DCC: variants seen among roughly 807,000 people sequenced by gnomAD.
The protein encoded by DCC is netrin receptor DCC.
In DCC, 58 loss-of-function variants were observed where a neutral mutation model predicts 172.5. That is an observed-to-expected ratio of 0.34 (90% CI 0.27 to 0.42). The LOEUF (loss-of-function observed/expected upper bound fraction) is 0.42. DCC is among the 10% of genes least tolerant of loss of function. The pLI is 1.00. For missense variants in DCC, 1,740 were observed against 1,791.0 expected (o/e 0.97, Z 0.51); for synonymous variants, 709 against 644.5 (o/e 1.10, Z -1.52).
chr18:52,766,627 A>G (rs1365222056), intron 2 of DCC, among the ~76,000 whole-genome samples: 2 of 151,946 alleles, frequency 1.3e-5, no homozygotes, highest in African/African-American at 4.8e-5. Flanking sequence ...TTTTGAAGTT[A>G]TGCCATCAAG....
intron 1 of DCC, among the ~76,000 whole-genome samples, chr18:52,546,224 G>T (rs1212272191): frequency 6.6e-6 from 1 of 152,130 alleles, no homozygotes. Flanking sequence ...GATCACGTTA[G>T]CAAAGTACAC....
At chr18:52,722,473 C>T (rs114963229) in intron 1 of DCC, among the ~76,000 whole-genome samples, 1,948 of 152,248 alleles carry the variant, frequency 0.013, 51 homozygotes, top group African/African-American at 0.045. Flanking sequence ...TGAGTTAGAA[C>T]ATACTATGGT....
intron 19 of DCC, among the ~76,000 whole-genome samples, 156 bp from the exon 20 acceptor site, chr18:53,410,296 T>G (rs1205989433): frequency 6.6e-6 from 1 of 152,162 alleles, no homozygotes; most frequent in Non-Finnish European, 1.5e-5. Context: ...AATCCTTGCA[T>G]TATGAAAAAA....
At chr18:53,247,118 A>C (rs1213287765) in intron 12 of DCC, among the ~76,000 whole-genome samples, 2 of 152,076 alleles carry the variant, frequency 1.3e-5, no homozygotes, top group African/African-American at 4.8e-5. Flanking sequence ...GAGCCATGAA[A>C]CTATACACAC....
At chr18:52,606,237 A>G (rs1427868560) in intron 1 of DCC, among the ~76,000 whole-genome samples, 2 of 152,082 alleles carry the variant, frequency 1.3e-5, no homozygotes, top group Admixed American at 6.6e-5. Flanking sequence ...TTACTACTAC[A>G]CAGTGCTACC....
In DCC at chr18:53,533,430, C is replaced by G. The variant is rs1239072138; in HGVS notation, c.*2777C>G. 1 of 152,146 alleles carries G rather than the reference C, an allele frequency of 6.6e-6. No individual in the cohort carries two copies. The highest frequency in any genetic ancestry group is 1.5e-5 in the Non-Finnish European group (1 of 68,026). 9.4% of individuals were successfully genotyped at this position (152,146 alleles called of 1,614,324 possible). On this transcript the variant is annotated 3_prime_UTR_variant, in exon 29 of 29. Transcript: ENST00000442544. ...AAAATCATATTTGGCAGAGCATTCT[C>G]TGGTCTGCCCTGTAATGTGCTTAAA...
At chr18:52,385,765 C>T (rs1282676537) in intron 1 of DCC, among the ~76,000 whole-genome samples, 1 of 151,990 alleles carries the variant, frequency 6.6e-6, no homozygotes, top group Non-Finnish European at 1.5e-5. Flanking sequence ...ATCTTTTTCT[C>T]TTAAGTAATT....
intron 1 of DCC, among the ~76,000 whole-genome samples, chr18:52,516,718 A>ATT (rs1234474754): frequency 6.6e-6 from 1 of 152,222 alleles, no homozygotes; most frequent in East Asian, 1.9e-4. Context: ...TTAGATATAG[A>ATT]TTCATAGTTC....
chr18:53,341,722 T>C (rs1168378924), intron 15 of DCC, among the ~76,000 whole-genome samples: 1 of 152,212 alleles, frequency 6.6e-6, no homozygotes, highest in Non-Finnish European at 1.5e-5. Flanking sequence ...GTGTTTTCAC[T>C]ATTTAGCCAA....
At position 53,087,827 on chromosome 18, in the gene DCC, C is replaced by A. The variant is rs553184980; in HGVS notation, c.1261+21661C>A. 2.6e-5 allele frequency among the ~76,000 whole-genome samples: 4 copies of A among 152,168 alleles called. No individual in the cohort carries two copies. The South Asian group carries it at 8.3e-4, about 32-fold the overall frequency. On this transcript the variant is annotated intron_variant, in intron 7 of 28. Transcript: ENST00000442544. ...GTTTCAGCTTTCTACATATGGCTAGCCAGTTTTCCCAGCACCATTTATTAT... is the reference window on the plus strand; with the variant it reads ...GTTTCAGCTTTCTACATATGGCTAGACAGTTTTCCCAGCACCATTTATTAT...
At chr18:53,258,664 T>G (rs980151736) in intron 12 of DCC, among the ~76,000 whole-genome samples, 6 of 152,122 alleles carry the variant, frequency 3.9e-5, no homozygotes, top group African/African-American at 1.4e-4. Flanking sequence ...GGTGTGGTGT[T>G]GTGCTGAAAA....
intron 8 of DCC, among the ~76,000 whole-genome samples, chr18:53,172,486 A>G (rs2055028110): frequency 1.3e-5 from 2 of 152,198 alleles, no homozygotes. Context: ...TATTTAAAAA[A>G]TAAAATACAG....
At chr18:53,177,940 C>G (rs1347796816) in intron 8 of DCC, among the ~76,000 whole-genome samples, 1 of 152,090 alleles carries the variant, frequency 6.6e-6, no homozygotes, top group African/African-American at 2.4e-5. Context: ...CTAATTTTCC[C>G]TGGCAGAAAA....
At chr18:52,477,928 G>A (rs1448484199) in intron 1 of DCC, among the ~76,000 whole-genome samples, 5 of 152,062 alleles carry the variant, frequency 3.3e-5, no homozygotes, top group African/African-American at 1.2e-4. Context: ...TCCTGCCTCA[G>A]CCTCCTGTGT....
At chr18:52,586,767 GGA>G (rs2033684153) in intron 1 of DCC, among the ~76,000 whole-genome samples, 2 of 152,174 alleles carry the variant, frequency 1.3e-5, no homozygotes, top group Non-Finnish European at 1.5e-5. Flanking sequence ...ATGGCCTTCT[GGA>G]GAACTTTGTC....
rs190663648 is a variant in DCC, at chr18:53,350,798, A to T, written c.2359+10891A>T. Among the ~76,000 whole-genome samples, 6 of 152,156 alleles carry T rather than the reference A, an allele frequency of 3.9e-5. No individual in the cohort carries two copies. The East Asian group carries it at 9.7e-4, about 24-fold the overall frequency. On this transcript the variant is annotated intron_variant, in intron 15 of 28. Coordinates refer to ENST00000442544, the MANE Select transcript of DCC (RefSeq NM_005215.4). ...ATAATATGAAAATTTAATTAGTATT[A>T]ATTTAAAAATCTAAACCACACAGTG...
At chr18:52,644,535 C>T (rs1172889617) in intron 1 of DCC, among the ~76,000 whole-genome samples, 18 of 149,434 alleles carry the variant, frequency 1.2e-4, no homozygotes, top group African/African-American at 4.2e-4. Context: ...ACCGAGATTG[C>T]GCCACCGTAC....
At chr18:52,344,842 G>A (rs1248596249) in intron 1 of DCC, among the ~76,000 whole-genome samples, 5 of 152,064 alleles carry the variant, frequency 3.3e-5, no homozygotes, top group South Asian at 2.1e-4. Context: ...AGTTGTTTCC[G>A]GGTATTTCTT....
intron 7 of DCC, among the ~76,000 whole-genome samples, chr18:53,068,791 GTGTGTGTATGTGTA>G (rs1043901069): frequency 1.3e-5 from 2 of 151,472 alleles, no homozygotes; most frequent in African/African-American, 2.4e-5. Flanking sequence ...GTGTGTGTGT[GTGTGTGTATGTGTA>G]TGTGTGTGTG....
Sources: allele counts gnomAD v4.1 joint callset (sites outside exome capture counted in the v4.1 genomes callset), GRCh38; gene constraint gnomAD v4.1.1; transcripts MANE v1.5; gene names NCBI Gene and HGNC (gene_info 2026-07-23, HGNC 2026-07-21).